The following FKBP7 variants were observed in gnomAD, a reference collection of about 807,000 sequenced individuals.
The protein encoded by FKBP7 is FKBP prolyl isomerase 7.
FKBP7 carries 24 observed loss-of-function variants against 24.3 expected under a neutral mutation model. That is an observed-to-expected ratio of 0.99 (90% CI 0.72 to 1.39). The LOEUF is 1.39. Ranked by LOEUF, FKBP7 falls within the 40% of genes most tolerant of loss-of-function variation. The pLI, the probability that FKBP7 is intolerant of heterozygous loss-of-function variation, is 0.00. For missense variants in FKBP7, 257 were observed against 269.5 expected (o/e 0.95, Z 0.33); for synonymous variants, 98 against 92.8 (o/e 1.06, Z -0.32).
At chr2:178,466,984 A>G (rs921529657) in intron 3 of FKBP7, among the ~76,000 whole-genome samples, 1 of 152,238 alleles carries the variant, frequency 6.6e-6, no homozygotes, top group African/African-American at 2.4e-5. Context: ...AGTGGACCTT[A>G]ATGAAGGATA....
At position 178,469,504 on chromosome 2, in the gene FKBP7, C is replaced by T. The variant is rs559929551; in HGVS notation, c.507+148G>A. 3.2e-4 allele frequency: 256 copies of T among 799,920 alleles called. No homozygotes were observed. The African/African-American group carries it at 3.9e-3, about 12-fold the overall frequency. The allele number at this position is 799,920 out of a possible 1,614,324, so 49.6% of individuals were successfully genotyped here. ...GAAAAAGCTTAGAGCTTTTTCTAAG[C>T]GCTTAGATTATTTTTTAGTGACCAG... On this transcript the variant is annotated intron_variant, in intron 3 of 3. Transcript: ENST00000424785.
chr2:178,477,921 A>C (rs1685056729), intron 1 of FKBP7, among the ~76,000 whole-genome samples: 2 of 152,046 alleles, frequency 1.3e-5, no homozygotes, highest in Admixed American at 1.3e-4. Context: ...TCTTTATTCC[A>C]TGTATTCCTC....
At chr2:178,469,521 A>C (rs1684789455) in intron 3 of FKBP7, 131 bp downstream of exon 3, 1 of 922,068 alleles carries the variant, frequency 1.1e-6, no homozygotes, top group Non-Finnish European at 1.7e-6. Flanking sequence ...ATTATTTTTT[A>C]GTGACCAGCT....
chr2:178,470,060 C>T (rs1476281288), intron 2 of FKBP7, among the ~76,000 whole-genome samples: 1 of 151,582 alleles, frequency 6.6e-6, no homozygotes, highest in South Asian at 2.1e-4. Flanking sequence ...CCTATGGGAC[C>T]ACTATTTCTT....
Position 178,465,570 on chromosome 2 carries a change from A to G in FKBP7, c.*200T>C. 1 of 414,036 alleles carries G rather than the reference A, an allele frequency of 2.4e-6. No individual in the cohort carries two copies. Among genetic ancestry groups the G allele is most frequent in the Non-Finnish European group, 4.2e-6 (1 of 239,600 alleles). The allele number at this position is 414,036 out of a possible 1,614,324, so 25.6% of individuals were successfully genotyped here. A position where few individuals can be genotyped will look rare whatever the true frequency, so the allele number is the denominator to read the frequency against. ...ATTCTTGTTTACAGAATAAAGCAGTAGGAAACACAGTCATACCATTCCTGC... is the reference window on the plus strand; with the variant it reads ...ATTCTTGTTTACAGAATAAAGCAGTGGGAAACACAGTCATACCATTCCTGC... On this transcript the variant is annotated 3_prime_UTR_variant, in exon 4 of 4. Transcript: ENST00000424785.
chr2:178,472,199 C>G, intron 2 of FKBP7, among the ~76,000 whole-genome samples: 1 of 151,452 alleles, frequency 6.6e-6, no homozygotes, highest in Non-Finnish European at 1.5e-5. Context: ...TTCAGCCTCC[C>G]AAGTAGCTGG....
chr2:178,469,817 T>C (rs754175772), intron 2 of FKBP7, 32 bp from the exon 3 acceptor site: 1 of 1,584,144 alleles, frequency 6.3e-7, no homozygotes, highest in Non-Finnish European at 8.6e-7. Flanking sequence ...GTTTAACTTA[T>C]GTAAAGATAT....
rs567043102 is a variant in FKBP7 at position 178,475,868 on chromosome 2, G to C, written c.373+1194C>G. Among the ~76,000 whole-genome samples, 220 of 152,198 alleles carry C rather than the reference G, an allele frequency of 1.4e-3. 5 individuals carry two copies. In the South Asian group the frequency reaches 0.022, roughly 15 times the overall value. On this transcript the variant is annotated intron_variant, in intron 2 of 3. Transcript: ENST00000424785. ...ACCTAGGTTTTCAGATCTTTTTGCT[G>C]TAGGATTTTTAAAATGACAAGATAT...
intron 3 of FKBP7, among the ~76,000 whole-genome samples, chr2:178,467,295 AT>A (rs1266256042): frequency 6.6e-6 from 1 of 152,092 alleles, no homozygotes; most frequent in Admixed American, 6.5e-5. Flanking sequence ...AAAATACTGT[AT>A]TTCCCCCGTC....
chr2:178,467,296 T>A (rs1575130830), intron 3 of FKBP7, among the ~76,000 whole-genome samples: 1 of 152,228 alleles, frequency 6.6e-6, no homozygotes, highest in East Asian at 1.9e-4. Context: ...AAATACTGTA[T>A]TTCCCCCGTC....
At chr2:178,472,897 TCTTG>T in intron 2 of FKBP7, 1 of 328,178 alleles carries the variant, frequency 3.0e-6, no homozygotes, top group Non-Finnish European at 5.5e-6. Context: ...TACCTCTTTT[TCTTG>T]TTTTTTTTTT....
In FKBP7 at chr2:178,477,085, A is replaced by G; in HGVS notation, c.350T>C (p.Phe117Ser). ...EKRKVVIPPS[F>S]AYGKEGYAEG... ...ACCATAGCCTTCCTTTCCGTATGCAAATGAAGGGGGTATAACTACTTTTCG... is the reference window on the plus strand; with the variant it reads ...ACCATAGCCTTCCTTTCCGTATGCAGATGAAGGGGGTATAACTACTTTTCG... Residue 117 changes from phenylalanine (F) to serine (S), a missense_variant, in exon 2 of 4, where the codon TTT becomes TCT. Phe to Ser is a radical substitution (Grantham distance 155, BLOSUM62 -2). Transcript: ENST00000424785. 6.2e-7 allele frequency: 1 copy of G among 1,605,028 alleles called. No individual in the cohort carries two copies. The highest frequency in any genetic ancestry group is 1.1e-5 in the South Asian group (1 of 89,014).
At position 178,464,981 on chromosome 2, in the gene FKBP7, A is replaced by C. The variant is rs1408952726; in HGVS notation, c.*789T>G. 1 of 152,248 alleles carries C rather than the reference A, an allele frequency of 6.6e-6. No homozygotes were observed. Among genetic ancestry groups the C allele is most frequent in the Non-Finnish European group, 1.5e-5 (1 of 68,042 alleles). The allele number at this position is 152,248 out of a possible 1,614,324, so 9.4% of individuals were successfully genotyped here. ...AAAACTAAGAAATTTCATGGCATCA[A>C]TTTAAAACTATCAAGACAAAAGCTT... On this transcript the variant is annotated 3_prime_UTR_variant, in exon 4 of 4. Transcript: ENST00000424785.
chr2:178,477,300 C>CT, intron 1 of FKBP7, 87 bp from the exon 2 acceptor site: 1 of 1,334,804 alleles, frequency 7.5e-7, no homozygotes, highest in Non-Finnish European at 1.1e-6. Flanking sequence ...GGAGTCCTCT[C>CT]TAACCATCAT....
chr2:178,469,689 A>G lies in FKBP7; in HGVS notation c.470T>C (p.Ile157Thr), dbSNP rs779563737. ...GPRSIETFKQ[I>T]DMDNDRQLSK... ...GAGCTGCCTGTCATTGTCCATGTCTATTTGTTTAAATGTCTCAATGCTCCG... is the reference window on the plus strand; with the variant it reads ...GAGCTGCCTGTCATTGTCCATGTCTGTTTGTTTAAATGTCTCAATGCTCCG... The change falls in exon 3 of 4, where the codon ATA becomes ACA. Residue 157 changes from isoleucine to threonine, a missense_variant. By Grantham distance (89) the Ile-to-Thr change is moderately conservative. Coordinates refer to ENST00000424785, the MANE Select transcript of FKBP7 (RefSeq NM_181342.3). 12 of 1,613,894 alleles carry G rather than the reference A, an allele frequency of 7.4e-6. No individual in the cohort carries two copies. The highest frequency in any genetic ancestry group is 6.7e-5 in the African/African-American group (5 of 74,944).
intron 2 of FKBP7, among the ~76,000 whole-genome samples, chr2:178,476,176 T>C (rs1474497000): frequency 6.6e-6 from 1 of 152,198 alleles, no homozygotes; most frequent in Non-Finnish European, 1.5e-5. Flanking sequence ...TCATGAGTGT[T>C]GCCACAATGT....
chr2:178,475,356 A>G (rs944017556), intron 2 of FKBP7, among the ~76,000 whole-genome samples: 2 of 152,034 alleles, frequency 1.3e-5, no homozygotes, highest in Middle Eastern at 3.2e-3. Context: ...CAGCCTCCCA[A>G]GTAGCTGGGA....
chr2:178,471,733 C>T (rs140874242), intron 2 of FKBP7, among the ~76,000 whole-genome samples: 123 of 152,274 alleles, frequency 8.1e-4, no homozygotes, highest in Non-Finnish European at 1.1e-3. Context: ...TGGAAGGAAA[C>T]AGCAATTTCT....
At chr2:178,472,674 C>T (rs1220743600) in intron 2 of FKBP7, among the ~76,000 whole-genome samples, 3 of 151,742 alleles carry the variant, frequency 2.0e-5, no homozygotes, top group African/African-American at 4.8e-5. Flanking sequence ...CATGGCGAAA[C>T]CCCATCTCTA....
Sources: allele counts gnomAD v4.1 joint callset (sites outside exome capture counted in the v4.1 genomes callset), GRCh38; gene constraint gnomAD v4.1.1; transcripts MANE v1.5; gene names NCBI Gene and HGNC (gene_info 2026-07-23, HGNC 2026-07-21).